The following SPMIP6 variants were observed in gnomAD, a reference collection of about 807,000 sequenced individuals.
SPMIP6 encodes the protein sperm microtubule inner protein 6.
chr9:34,390,481 TTC>T, the SPMIP6 span, among the ~76,000 whole-genome samples: 5 of 152,190 alleles, frequency 3.3e-5, no homozygotes, highest in South Asian at 2.1e-4. Context: ...TGAAATGATC[TTC>T]TGTTTTTTTT....
the SPMIP6 span, chr9:34,385,864 C>A: frequency 2.1e-6 from 3 of 1,461,998 alleles, no homozygotes; most frequent in South Asian, 4.0e-5. Context: ...TCCAGCCTCT[C>A]TTGAGAAGGT....
chr9:34,389,935 T>C, the SPMIP6 span: 1 of 151,230 alleles, frequency 6.6e-6, no homozygotes, highest in Non-Finnish European at 1.5e-5. Context: ...AGATTTTTTT[T>C]TTTTTTTTTA....
chr9:34,385,830 C>A, the SPMIP6 span: 1 of 1,567,938 alleles, frequency 6.4e-7, no homozygotes, highest in Non-Finnish European at 8.7e-7. Flanking sequence ...GAGACCCCAG[C>A]CCTGGGGTCT....
the SPMIP6 span, chr9:34,385,527 C>G: frequency 2.5e-5 from 24 of 968,894 alleles, no homozygotes; most frequent in Non-Finnish European, 3.2e-5. Context: ...AAGAGCGAAA[C>G]TCCGTCTCAA....
At chr9:34,395,796 T>C in the SPMIP6 span, among the ~76,000 whole-genome samples, 2 of 152,172 alleles carry the variant, frequency 1.3e-5, no homozygotes, top group African/African-American at 2.4e-5. Context: ...AGCCAAAAAC[T>C]CAAGGGTCAC....
the SPMIP6 span, among the ~76,000 whole-genome samples, chr9:34,382,375 G>C: frequency 6.6e-6 from 1 of 152,200 alleles, no homozygotes; most frequent in African/African-American, 2.4e-5. Flanking sequence ...CTTGAGGCCA[G>C]GAGTCCAAGA....
At chr9:34,386,157 A>G in the SPMIP6 span, among the ~76,000 whole-genome samples, 1 of 152,156 alleles carries the variant, frequency 6.6e-6, no homozygotes, top group Admixed American at 6.5e-5. Flanking sequence ...GTCTCTGCCA[A>G]CAGTGCATCA....
At chr9:34,380,748 G>A in the SPMIP6 span, 5 of 1,548,504 alleles carry the variant, frequency 3.2e-6, no homozygotes, top group Non-Finnish European at 3.5e-6. Flanking sequence ...CCCGAGGGCG[G>A]GACACGGCAG....
chr9:34,382,753 C>A, the SPMIP6 span: 1 of 1,610,936 alleles, frequency 6.2e-7, no homozygotes, highest in Admixed American at 1.7e-5. Flanking sequence ...GCAACAGATA[C>A]CTTAGGCAGC....
chr9:34,381,494 C>G, the SPMIP6 span: 2 of 1,613,038 alleles, frequency 1.2e-6, no homozygotes, highest in South Asian at 1.1e-5. This position sits in a 1 kb window ranked among gnomAD's most constrained non-coding sequence, Gnocchi z 4.4. Context: ...CAGAGCTGCT[C>G]CCTTTTAGGG....
At chr9:34,379,133 G>A in the SPMIP6 span, 6 of 1,613,974 alleles carry the variant, frequency 3.7e-6, no homozygotes, top group Non-Finnish European at 4.2e-6. This position sits in a 1 kb window ranked among gnomAD's most constrained non-coding sequence, Gnocchi z 4.2. Context: ...GGATAACATA[G>A]TTGTTTCTCT....
chr9:34,381,954 C>G, the SPMIP6 span, among the ~76,000 whole-genome samples: 1 of 152,178 alleles, frequency 6.6e-6, no homozygotes, highest in African/African-American at 2.4e-5. The surrounding 1 kb of genome is among the most constrained non-coding windows in gnomAD (Gnocchi z 4.4). Context: ...TGGACCTTCT[C>G]CTATGTCCTT....
At chr9:34,392,681 G>A in the SPMIP6 span, among the ~76,000 whole-genome samples, 1 of 152,162 alleles carries the variant, frequency 6.6e-6, no homozygotes, top group Admixed American at 6.5e-5. The surrounding 1 kb of genome is among the most constrained non-coding windows in gnomAD (Gnocchi z 4.6). Flanking sequence ...TTTTAAGCCT[G>A]AAGTCAGTGG....
At chr9:34,379,583 C>A in the SPMIP6 span, 1 of 1,443,366 alleles carries the variant, frequency 6.9e-7, no homozygotes. The surrounding 1 kb of genome is among the most constrained non-coding windows in gnomAD (Gnocchi z 4.2). Flanking sequence ...CATCCTCCCC[C>A]AGCCCCGCCT....
At chr9:34,391,612 C>T in the SPMIP6 span, among the ~76,000 whole-genome samples, 4 of 152,040 alleles carry the variant, frequency 2.6e-5, no homozygotes, top group Non-Finnish European at 5.9e-5. Flanking sequence ...GTTTTGATTT[C>T]TTATTTGACC....
At chr9:34,391,966 G>A in the SPMIP6 span, among the ~76,000 whole-genome samples, 2 of 151,858 alleles carry the variant, frequency 1.3e-5, no homozygotes, top group Admixed American at 1.3e-4. Flanking sequence ...ATCTAATATG[G>A]TATATTTTGC....
At chr9:34,392,245 G>A in the SPMIP6 span, among the ~76,000 whole-genome samples, 1 of 152,092 alleles carries the variant, frequency 6.6e-6, no homozygotes, top group Non-Finnish European at 1.5e-5. The surrounding 1 kb of genome is among the most constrained non-coding windows in gnomAD (Gnocchi z 4.6). Flanking sequence ...AAATTTTTTT[G>A]TAGAGATGGG....
the SPMIP6 span, chr9:34,385,632 CT>C: frequency 6.2e-7 from 1 of 1,611,996 alleles, no homozygotes; most frequent in South Asian, 1.1e-5. Flanking sequence ...AGGGTGAGGC[CT>C]TACCTTCCTC....
At chr9:34,387,030 ATTT>A in the SPMIP6 span, among the ~76,000 whole-genome samples, 30,865 of 139,984 alleles carry the variant, frequency 0.22, 3,438 homozygotes, top group East Asian at 0.45. Flanking sequence ...GATCCTTATG[ATTT>A]TTTTTTTTTT....
Sources: gnomAD v4.1 joint callset for allele counts (sites outside exome capture counted in the v4.1 genomes callset) on GRCh38, gnomAD v4.1.1 for gene constraint, Gnocchi (gnomAD v3.1) non-coding constraint, MANE v1.5 for transcripts, NCBI Gene and HGNC (gene_info 2026-07-23, HGNC 2026-07-21) for gene names.